LDLRAD2: variants seen among roughly 807,000 people sequenced by gnomAD.
LDLRAD2 encodes low-density lipoprotein receptor class A domain-containing protein 2.
LDLRAD2 carries 25 observed loss-of-function variants against 24.9 expected under a neutral mutation model. That is an observed-to-expected ratio of 1.00 (90% confidence interval 0.73 to 1.40). The LOEUF (loss-of-function observed/expected upper bound fraction) is 1.40, where lower values mean the gene tolerates loss of function less well. Among genes scored for constraint, LDLRAD2 ranks in the 40% most tolerant of loss-of-function variants. The pLI is 0.00. For missense variants in LDLRAD2, 391 were observed against 366.2 expected (o/e 1.07, Z -0.55); for synonymous variants, 182 against 166.7 (o/e 1.09, Z -0.71).
intron 4 of LDLRAD2, chr1:21,821,906 T>A (rs1164627180): frequency 7.1e-7 from 1 of 1,412,720 alleles, no homozygotes; most frequent in African/African-American, 1.4e-5. Context: ...CAGCCAGGTC[T>A]CCCCAGGGGG....
intron 4 of LDLRAD2, 145 bp from the exon 5 acceptor site, chr1:21,822,057 C>T: frequency 6.6e-7 from 1 of 1,503,818 alleles, no homozygotes; most frequent in South Asian, 1.3e-5. Context: ...TTGGACAGGC[C>T]CCCTAACCCT....
intron 2 of LDLRAD2, 139 bp downstream of exon 2, chr1:21,814,962 G>A: frequency 3.7e-6 from 3 of 820,808 alleles, no homozygotes; most frequent in Non-Finnish European, 5.2e-6. Context: ...CAGGGACTGG[G>A]TCCAACGGGA....
chr1:21,822,000 T>C, intron 4 of LDLRAD2: 6 of 1,433,672 alleles, frequency 4.2e-6, no homozygotes, highest in Non-Finnish European at 5.5e-6. Context: ...TACTAGGCTC[T>C]GGGGTCAGAC....
At position 21,823,399 on chromosome 1, in the gene LDLRAD2, G is replaced by T; in HGVS notation, c.*1184G>T. ...GGCTGTGGGGGCGGGGCGCCGGGTCGGGCCGAGTGCAGCACCAGGTTCTTG... is the reference window on the plus strand; with the variant it reads ...GGCTGTGGGGGCGGGGCGCCGGGTCTGGCCGAGTGCAGCACCAGGTTCTTG... On this transcript the variant is annotated 3_prime_UTR_variant, in exon 5 of 5. Coordinates refer to ENST00000344642, the MANE Select transcript of LDLRAD2 (RefSeq NM_001013693.3). The T allele has an allele frequency of 1.3e-6, 2 of 1,567,264 alleles. No homozygotes were observed. Among genetic ancestry groups the T allele is most frequent in the Non-Finnish European group, 1.7e-6 (2 of 1,161,260 alleles).
rs1380431656 is a variant in LDLRAD2 at position 21,824,855 on chromosome 1, A to T, written c.*2640A>T. ...TCCCCCGTCAGTTCCCCTGACCCCC[A>T]CCTCCACGCCAACATGCAGGACTAG... On this transcript the variant is annotated 3_prime_UTR_variant, in exon 5 of 5. Coordinates refer to ENST00000344642, the MANE Select transcript of LDLRAD2 (RefSeq NM_001013693.3). The surrounding 1 kb of genome is among the most constrained non-coding windows in gnomAD (Gnocchi z 5.9). 10 of 1,325,770 alleles carry T rather than the reference A, an allele frequency of 7.5e-6. No homozygotes were observed. Among genetic ancestry groups the T allele is most frequent in the Non-Finnish European group, 1.1e-5 (10 of 941,728 alleles). The allele number at this position is 1,325,770 out of a possible 1,614,324, so 82.1% of individuals were successfully genotyped here.
chr1:21,813,546 C>T (rs2097940629), intron 1 of LDLRAD2, among the ~76,000 whole-genome samples: 1 of 152,174 alleles, frequency 6.6e-6, no homozygotes, highest in Non-Finnish European at 1.5e-5. Context: ...TTACAGAAAT[C>T]AGGGCTACTT....
intron 3 of LDLRAD2, among the ~76,000 whole-genome samples, chr1:21,820,181 A>C (rs1231157134): frequency 6.6e-6 from 1 of 152,240 alleles, no homozygotes; most frequent in Non-Finnish European, 1.5e-5. Flanking sequence ...ATTTAATGCC[A>C]CTGAACTGTA....
chr1:21,812,608 C>T (rs2097939675), intron 1 of LDLRAD2, 72 bp downstream of exon 1: 2 of 1,291,488 alleles, frequency 1.5e-6, no homozygotes, highest in East Asian at 2.4e-5. Context: ...ACTATGTTTC[C>T]CCAGTCAGCA....
chr1:21,821,683 G>T (rs1395263595), intron 4 of LDLRAD2, 72 bp downstream of exon 4: 1 of 1,581,994 alleles, frequency 6.3e-7, no homozygotes, highest in Non-Finnish European at 8.6e-7. Flanking sequence ...ACGGGGCAGA[G>T]GACCCAGGCC....
intron 3 of LDLRAD2, among the ~76,000 whole-genome samples, chr1:21,820,071 T>G (rs1344585113): frequency 6.6e-6 from 1 of 152,146 alleles, no homozygotes; most frequent in Non-Finnish European, 1.5e-5. Flanking sequence ...TCCACCCCCA[T>G]GATCTAATCA....
At chr1:21,815,507 G>A (rs937463410) in intron 2 of LDLRAD2, among the ~76,000 whole-genome samples, 1 of 152,226 alleles carries the variant, frequency 6.6e-6, no homozygotes, top group Non-Finnish European at 1.5e-5. Context: ...ACTGGGCGCC[G>A]TGGCTTTCGC....
Position 21,814,672 on chromosome 1 carries a change from G to C in LDLRAD2, c.360G>C (p.Pro120=), listed in dbSNP as rs199781170. Residue 120 remains proline (P), a synonymous_variant, in exon 2 of 5, where the codon CCG becomes CCC. Transcript: ENST00000344642. Reference sequence around the variant, plus strand: ...ACCTGCAGTTCTACGAGGGCCCGCCGGGGGCGCCCCGGCCCCTGGGGTCCC... The same window carrying C: ...ACCTGCAGTTCTACGAGGGCCCGCCCGGGGCGCCCCGGCCCCTGGGGTCCC... ...GSYLQFYEGP[P]GAPRPLGSPL... 1,923 of 1,581,094 alleles carry C rather than the reference G, an allele frequency of 1.2e-3. 3 individuals carry two copies. The highest frequency in any genetic ancestry group is 1.3e-3 in the Non-Finnish European group (1,503 of 1,164,840).
chr1:21,814,675 GGC>G lies in LDLRAD2; in HGVS notation c.366_367del (p.Arg124AlafsTer68). ...TGCAGTTCTACGAGGGCCCGCCGGG[GGC>G]GCCCCGGCCCCTGGGGTCCCCACTG... is the stretch of plus-strand genomic sequence containing the variant. The part of the protein sequence containing the change: ...YLQFYEGPPG[A>X]PRPLGSPLCG... On this transcript the variant is annotated frameshift_variant, in exon 2 of 5. Coordinates refer to ENST00000344642, the MANE Select transcript of LDLRAD2 (RefSeq NM_001013693.3). LOFTEE classifies it high-confidence loss of function. The G allele has an allele frequency of 6.3e-7, 1 of 1,576,280 alleles. No homozygotes were observed. The highest frequency in any genetic ancestry group is 8.6e-7 in the Non-Finnish European group (1 of 1,162,358).
At chr1:21,820,500 G>A (rs2097949523) in intron 3 of LDLRAD2, among the ~76,000 whole-genome samples, 1 of 140,396 alleles carries the variant, frequency 7.1e-6, no homozygotes, top group African/African-American at 2.7e-5. Flanking sequence ...TCCAGCCTGG[G>A]CGACAGAGCG....
In LDLRAD2 at chr1:21,814,538, C is replaced by G. The variant is rs1393655212; in HGVS notation, c.226C>G (p.Arg76Gly). 4 of 1,612,440 alleles carry G rather than the reference C, an allele frequency of 2.5e-6. No homozygotes were observed. The highest frequency in any genetic ancestry group is 1.1e-5 in the South Asian group (1 of 91,066). Residue 76 changes from arginine to glycine, a missense_variant, in exon 2 of 5, where the codon CGG becomes GGG. Transcript: ENST00000344642. Reference sequence around the variant, plus strand: ...GGTGCAGGCGGCAGCCCCCGGCGACCGGATCCGCTTCCAGTTCCGCTTCTT... The same window carrying G: ...GGTGCAGGCGGCAGCCCCCGGCGACGGGATCCGCTTCCAGTTCCGCTTCTT... ...LWVQAAAPGDRIRFQFRFFLV... is the reference protein window; with the variant it reads ...LWVQAAAPGDGIRFQFRFFLV...
chr1:21,823,478 A>T lies in LDLRAD2; in HGVS notation c.*1263A>T, dbSNP rs372290348. 6.2e-7 allele frequency: 1 copy of T among 1,600,442 alleles called. No homozygotes were observed. The highest frequency in any genetic ancestry group is 8.5e-7 in the Non-Finnish European group (1 of 1,177,500). ...TGCCCCCGGTCAGCGTGGCCACGTC[A>T]GGGGCTCCGCCTGCCGGGAGGTGAG... On this transcript the variant is annotated 3_prime_UTR_variant, in exon 5 of 5. Transcript: ENST00000344642.
At chr1:21,816,188 G>A in intron 3 of LDLRAD2, 114 bp downstream of exon 3, 1 of 1,407,002 alleles carries the variant, frequency 7.1e-7, no homozygotes, top group Admixed American at 2.3e-5. Context: ...GAAAGCGGAA[G>A]TGTGGAATCG....
Position 21,812,550 on chromosome 1 carries a change from G to C in LDLRAD2, c.85+14G>C. The stretch of plus-strand genomic sequence containing the variant: ...CTTTGGAGACAGGTAAGTATCAGGG[G>C]GCTTGGTTGGGGCACCCAGAAGACT... On this transcript the variant is annotated intron_variant, in intron 1 of 4. Transcript: ENST00000344642. 6.2e-7 allele frequency: 1 copy of C among 1,611,776 alleles called. No homozygotes were observed.
rs746862315 is a variant in LDLRAD2, at chr1:21,824,795, G to A, written c.*2580G>A. 1.9e-6 allele frequency: 3 copies of A among 1,606,882 alleles called. No homozygotes were observed. Among genetic ancestry groups the A allele is most frequent in the Non-Finnish European group, 2.6e-6 (3 of 1,176,242 alleles). The stretch of plus-strand genomic sequence containing the variant: ...CCAGGGGCATCTGTGGGAGAGAGGA[G>A]GGTGGTGCCATACCTGCTGCATCAG... On this transcript the variant is annotated 3_prime_UTR_variant, in exon 5 of 5. Transcript: ENST00000344642. The surrounding 1 kb of genome is among the most constrained non-coding windows in gnomAD (Gnocchi z 5.9).
Sources: allele counts gnomAD v4.1 joint callset (sites outside exome capture counted in the v4.1 genomes callset), GRCh38; gene constraint gnomAD v4.1.1; non-coding constraint Gnocchi (gnomAD v3.1); transcripts MANE v1.5; gene names NCBI Gene and HGNC (gene_info 2026-07-23, HGNC 2026-07-21).